Variants in PLPP6 observed in about 807,000 individuals in gnomAD.
PLPP6 encodes the protein polyisoprenoid diphosphate/phosphate phosphohydrolase PLPP6.
PLPP6 carries 16 observed loss-of-function variants against 16.5 expected under a neutral mutation model. That is an observed-to-expected ratio of 0.97 (90% CI 0.66 to 1.47). The LOEUF (loss-of-function observed/expected upper bound fraction) is 1.47. Ranked by LOEUF, PLPP6 falls within the 40% of genes most tolerant of loss-of-function variation. The pLI is 0.00. For missense variants in PLPP6, 512 were observed against 396.6 expected, an observed-to-expected ratio of 1.29 and a Z score of -2.47; for synonymous variants, 226 against 188.1, an observed-to-expected ratio of 1.20 and a Z score of -1.65.
In PLPP6 at chr9:4,663,456, G is replaced by A. The variant is rs1840348999; in HGVS notation, c.*193G>A. The A allele has an allele frequency of 1.6e-6, 1 of 612,514 alleles. No homozygotes were observed. Among genetic ancestry groups the A allele is most frequent in the Non-Finnish European group, 2.8e-6 (1 of 353,772 alleles). The allele number at this position is 612,514 out of a possible 1,614,324, so 37.9% of individuals were successfully genotyped here. On this transcript the variant is annotated 3_prime_UTR_variant, in exon 1 of 1. Transcript: ENST00000381883. ...GCCATTACTGAACACAGCCATATTA[G>A]GGAAAGCAAAAAAACCCAAAAAATC... is the stretch of plus-strand genomic sequence containing the variant.
At position 4,662,947 on chromosome 9, in the gene PLPP6, G is replaced by T; in HGVS notation, c.572G>T (p.Arg191Leu). 1 of 1,611,788 alleles carries T rather than the reference G, an allele frequency of 6.2e-7. No individual in the cohort carries two copies. The highest frequency in any genetic ancestry group is 8.5e-7 in the Non-Finnish European group (1 of 1,179,894). The change falls in exon 1 of 1, where the codon CGC becomes CTC. Residue 191 changes from arginine (R) to leucine (L), a missense_variant. Physicochemically the swap from Arg to Leu is moderately radical, Grantham distance 102. Coordinates refer to ENST00000381883, the MANE Select transcript of PLPP6 (RefSeq NM_203453.5). This position sits in a 1 kb window ranked among gnomAD's most constrained non-coding sequence, Gnocchi z 4.9. ...ATCAAAGGGCTGGTCCGCAGGCGCC[G>T]CCCGGCCCACAACCAGATGGACATG... ...ALIKGLVRRR[R>L]PAHNQMDMFV...
Position 4,663,190 on chromosome 9 carries a change from A to C in PLPP6, c.815A>C (p.Tyr272Ser), listed in dbSNP as rs1840280941. Residue 272 changes from tyrosine to serine, a missense_variant, in exon 1 of 1, where the codon TAC (tyrosine) becomes TCC (serine). Coordinates refer to ENST00000381883, the MANE Select transcript of PLPP6 (RefSeq NM_203453.5). ...GGCTTTTTTCTGGGCTACATGCAGTACAGCATCGTGGACTATTGCTGGCTC... is the reference window on the plus strand; with the variant it reads ...GGCTTTTTTCTGGGCTACATGCAGTCCAGCATCGTGGACTATTGCTGGCTC... The part of the protein sequence containing the change: ...AFGFFLGYMQ[Y>S]SIVDYCWLSP... 1 of 1,613,978 alleles carries C rather than the reference A, an allele frequency of 6.2e-7. No individual in the cohort carries two copies. The highest frequency in any genetic ancestry group is 1.7e-5 in the Admixed American group (1 of 60,000).
At position 4,662,689 on chromosome 9, in the gene PLPP6, C is replaced by G. The variant is rs764688492; in HGVS notation, c.314C>G (p.Ser105Cys). ...TCCTTCCTGGGCATCGCCCTGCGCT[C>G]CCTGCTGGCCATCGACCTGTGGCTG... ...NPSFLGIALRSLLAIDLWLSK... is the reference protein window; with the variant it reads ...NPSFLGIALRCLLAIDLWLSK... The change falls in exon 1 of 1, where the codon TCC becomes TGC. Residue 105 changes from serine (S) to cysteine (C), a missense_variant. Transcript: ENST00000381883. The surrounding 1 kb of genome is among the most constrained non-coding windows in gnomAD (Gnocchi z 4.9). The G allele has an allele frequency of 1.9e-6, 3 of 1,600,958 alleles. No individual in the cohort carries two copies. Among genetic ancestry groups the G allele is most frequent in the Admixed American group, 1.7e-5 (1 of 60,028 alleles).
rs1446604649 is a variant in PLPP6 at position 4,664,397 on chromosome 9, CAG to C, written c.*1135_*1136del. The C allele has an allele frequency of 2.4e-5, 4 of 167,022 alleles. No individual in the cohort carries two copies. The highest frequency in any genetic ancestry group is 9.7e-5 in the African/African-American group (4 of 41,434). 10.3% of individuals were successfully genotyped at this position (167,022 alleles called of 1,614,324 possible). A position where few individuals can be genotyped will look rare whatever the true frequency, so the allele number is the denominator to read the frequency against. ...CTGAGGTACAGCACATTTTAGGTAA[CAG>C]TATTTAACTTGAAATTCATCATGGG... On this transcript the variant is annotated 3_prime_UTR_variant, in exon 1 of 1. Coordinates refer to ENST00000381883, the MANE Select transcript of PLPP6 (RefSeq NM_203453.5).
Position 4,662,465 on chromosome 9 carries a change from C to A in PLPP6, c.90C>A (p.Gly30=). The change falls in exon 1 of 1, where the codon GGC becomes GGA. Residue 30 remains glycine, a synonymous_variant. Coordinates refer to ENST00000381883, the MANE Select transcript of PLPP6 (RefSeq NM_203453.5). This position sits in a 1 kb window ranked among gnomAD's most constrained non-coding sequence, Gnocchi z 4.9. ...SSSSPGSPAH[G]GGGGGSRFEF... ...GCAGCCCCGGCAGCCCAGCCCATGG[C>A]GGCGGTGGCGGCGGCAGCAGGTTTG... 1 of 1,546,362 alleles carries A rather than the reference C, an allele frequency of 6.5e-7. No individual in the cohort carries two copies. The highest frequency in any genetic ancestry group is 8.7e-7 in the Non-Finnish European group (1 of 1,155,458).
In PLPP6 at chr9:4,662,688, TC is replaced by T. The variant is rs1277280049; in HGVS notation, c.316del (p.Leu106CysfsTer29). On this transcript the variant is annotated frameshift_variant, in exon 1 of 1. Transcript: ENST00000381883. LOFTEE classifies it high-confidence loss of function. The surrounding 1 kb of genome is among the most constrained non-coding windows in gnomAD (Gnocchi z 4.9). ...NPSFLGIALR[S>X]LLAIDLWLSK... ...GTCCTTCCTGGGCATCGCCCTGCGCTCCCTGCTGGCCATCGACCTGTGGCTG... is the reference window on the plus strand; with the variant it reads ...GTCCTTCCTGGGCATCGCCCTGCGCTCCTGCTGGCCATCGACCTGTGGCTG... The T allele has an allele frequency of 5.0e-6, 8 of 1,600,782 alleles. No homozygotes were observed.
In PLPP6 at chr9:4,662,993, C is replaced by T; in HGVS notation, c.618C>T (p.Asp206=). 1 of 1,612,788 alleles carries T rather than the reference C, an allele frequency of 6.2e-7. No homozygotes were observed. The highest frequency in any genetic ancestry group is 8.5e-7 in the Non-Finnish European group (1 of 1,179,764). Residue 206 remains aspartate (D), a synonymous_variant, in exon 1 of 1, where the codon GAC becomes GAT. Coordinates refer to ENST00000381883, the MANE Select transcript of PLPP6 (RefSeq NM_203453.5). The surrounding 1 kb of genome is among the most constrained non-coding windows in gnomAD (Gnocchi z 4.9). ...QMDMFVTLSV[D]KYSFPSGHAT... ...ACATGTTTGTCACTCTCTCGGTGGA[C>T]AAGTACTCCTTCCCCTCGGGCCATG... is the stretch of plus-strand genomic sequence containing the variant.
rs1587580983 is a variant in PLPP6 at position 4,663,444 on chromosome 9, A to G, written c.*181A>G. The G allele has an allele frequency of 1.5e-6, 1 of 658,842 alleles. No homozygotes were observed. The allele number at this position is 658,842 out of a possible 1,614,324, so 40.8% of individuals were successfully genotyped here. A position where few individuals can be genotyped will look rare whatever the true frequency, so the allele number is the denominator to read the frequency against. On this transcript the variant is annotated 3_prime_UTR_variant, in exon 1 of 1. Transcript: ENST00000381883. The stretch of plus-strand genomic sequence containing the variant: ...GAGCACACACTGGCCATTACTGAAC[A>G]CAGCCATATTAGGGAAAGCAAAAAA...
Position 4,664,039 on chromosome 9 carries a change from A to C in PLPP6, c.*776A>C, listed in dbSNP as rs1298604310. Reference sequence around the variant, plus strand: ...AAGAGGAATCACTTAAAAGGTAGGCATATCTAAGATGCTCATAGAAGAGGA... The same window carrying C: ...AAGAGGAATCACTTAAAAGGTAGGCCTATCTAAGATGCTCATAGAAGAGGA... On this transcript the variant is annotated 3_prime_UTR_variant, in exon 1 of 1. Coordinates refer to ENST00000381883, the MANE Select transcript of PLPP6 (RefSeq NM_203453.5). 2 of 167,138 alleles carry C rather than the reference A, an allele frequency of 1.2e-5. No homozygotes were observed. Among genetic ancestry groups the C allele is most frequent in the Non-Finnish European group, 1.5e-5 (1 of 68,132 alleles). 10.4% of individuals were successfully genotyped at this position (167,138 alleles called of 1,614,324 possible).
Position 4,662,664 on chromosome 9 carries a change from T to G in PLPP6, c.289T>G (p.Ser97Ala). ...PEEDRMDLNP[S>A]FLGIALRSLL... ...GGAGGACCGCATGGACTTGAACCCG[T>G]CCTTCCTGGGCATCGCCCTGCGCTC... is the stretch of plus-strand genomic sequence containing the variant. The change falls in exon 1 of 1, where the codon TCC becomes GCC. Residue 97 changes from serine to alanine, a missense_variant. Coordinates refer to ENST00000381883, the MANE Select transcript of PLPP6 (RefSeq NM_203453.5). The surrounding 1 kb of genome is among the most constrained non-coding windows in gnomAD (Gnocchi z 4.9). 1.9e-6 allele frequency: 3 copies of G among 1,600,084 alleles called. No individual in the cohort carries two copies. The highest frequency in any genetic ancestry group is 2.5e-6 in the Non-Finnish European group (3 of 1,179,838).
In PLPP6 at chr9:4,662,398, T is replaced by C. The variant is rs35791393; in HGVS notation, c.23T>C (p.Met8Thr). Residue 8 changes from methionine to threonine, a missense_variant, in exon 1 of 1, where the codon ATG becomes ACG. Transcript: ENST00000381883. This position sits in a 1 kb window ranked among gnomAD's most constrained non-coding sequence, Gnocchi z 4.9. MPSPRRS[M>T]EGRPLGVSAS... ...GCGATGCCAAGTCCCCGGAGGAGCA[T>C]GGAGGGACGGCCGCTGGGCGTCTCC... is the stretch of plus-strand genomic sequence containing the variant. 1.7e-3 allele frequency: 2,675 copies of C among 1,534,768 alleles called. 29 individuals carry two copies. The African/African-American group carries it at 0.033, about 19-fold the overall frequency.
At position 4,663,721 on chromosome 9, in the gene PLPP6, A is replaced by C. The variant is rs939867674; in HGVS notation, c.*458A>C. On this transcript the variant is annotated 3_prime_UTR_variant, in exon 1 of 1. Coordinates refer to ENST00000381883, the MANE Select transcript of PLPP6 (RefSeq NM_203453.5). ...AATCCTAGTCCTTTTCCTGAGGTAGATTTTAAACAGTATTTTTAAAGTCCA... is the reference window on the plus strand; with the variant it reads ...AATCCTAGTCCTTTTCCTGAGGTAGCTTTTAAACAGTATTTTTAAAGTCCA... 6 of 168,704 alleles carry C rather than the reference A, an allele frequency of 3.6e-5. No individual in the cohort carries two copies. Among genetic ancestry groups the C allele is most frequent in the African/African-American group, 1.2e-4 (5 of 41,512 alleles). 10.5% of individuals were successfully genotyped at this position (168,704 alleles called of 1,614,324 possible).
chr9:4,662,858 C>G lies in PLPP6; in HGVS notation c.483C>G (p.Ala161=). The G allele has an allele frequency of 2.5e-6, 4 of 1,605,250 alleles. No homozygotes were observed. The highest frequency in any genetic ancestry group is 3.4e-6 in the Non-Finnish European group (4 of 1,179,950). ...LYCLCRSDSW[A]GREVLMNLLF... Reference sequence around the variant, plus strand: ...GCCTGTGCAGGAGCGACAGCTGGGCCGGGCGCGAGGTGCTGATGAACCTGC... The same window carrying G: ...GCCTGTGCAGGAGCGACAGCTGGGCGGGGCGCGAGGTGCTGATGAACCTGC... The change falls in exon 1 of 1, where the codon GCC becomes GCG. Residue 161 remains alanine, a synonymous_variant. Coordinates refer to ENST00000381883, the MANE Select transcript of PLPP6 (RefSeq NM_203453.5). The surrounding 1 kb of genome is among the most constrained non-coding windows in gnomAD (Gnocchi z 4.9).
Position 4,664,209 on chromosome 9 carries a change from G to A in PLPP6, c.*946G>A. 6.0e-6 allele frequency: 1 copy of A among 167,210 alleles called. No individual in the cohort carries two copies. The allele number at this position is 167,210 out of a possible 1,614,324, so 10.4% of individuals were successfully genotyped here. A position where few individuals can be genotyped will look rare whatever the true frequency, so the allele number is the denominator to read the frequency against. ...CACATATTATGCCAGTGACCAGTAT[G>A]ACAGGAGATGGGGCCCTGCTGCCAG... On this transcript the variant is annotated 3_prime_UTR_variant, in exon 1 of 1. Transcript: ENST00000381883.
Position 4,662,469 on chromosome 9 carries a change from GGTGGCGGCGGCAGCA to G in PLPP6, c.96_110del (p.Gly33_Arg37del). 1 of 1,548,864 alleles carries G rather than the reference GGTGGCGGCGGCAGCA, an allele frequency of 6.5e-7. No individual in the cohort carries two copies. The highest frequency in any genetic ancestry group is 8.6e-7 in the Non-Finnish European group (1 of 1,156,734). Reference sequence around the variant, plus strand: ...CCCCGGCAGCCCAGCCCATGGCGGCGGTGGCGGCGGCAGCAGGTTTGAGTTCCAGTCCCTGCTCAG... The same window carrying G: ...CCCCGGCAGCCCAGCCCATGGCGGCGGGTTTGAGTTCCAGTCCCTGCTCAG... On this transcript the variant is annotated inframe_deletion, in exon 1 of 1. Coordinates refer to ENST00000381883, the MANE Select transcript of PLPP6 (RefSeq NM_203453.5). The surrounding 1 kb of genome is among the most constrained non-coding windows in gnomAD (Gnocchi z 4.9).
rs575060963 is a variant in PLPP6 at position 4,662,526 on chromosome 9, G to A, written c.151G>A (p.Val51Met). The A allele has an allele frequency of 2.6e-5, 41 of 1,565,496 alleles. No homozygotes were observed. Among genetic ancestry groups the A allele is most frequent in the Non-Finnish European group, 3.1e-5 (36 of 1,165,114 alleles). The stretch of plus-strand genomic sequence containing the variant: ...CCTGCTCAGCAGCCGCGCCACGGCC[G>A]TGGACCCCACCTGCGCCCGGCTCCG... ...QSLLSSRATA[V>M]DPTCARLRAS... is the part of the protein sequence containing the mutation. Residue 51 changes from valine to methionine, a missense_variant, in exon 1 of 1, where the codon GTG becomes ATG. Val to Met is a conservative substitution (Grantham distance 21, BLOSUM62 1). Coordinates refer to ENST00000381883, the MANE Select transcript of PLPP6 (RefSeq NM_203453.5). The surrounding 1 kb of genome is among the most constrained non-coding windows in gnomAD (Gnocchi z 4.9).
At position 4,662,706 on chromosome 9, in the gene PLPP6, C is replaced by T; in HGVS notation, c.331C>T (p.Leu111=). ...IALRSLLAID[L]WLSKKLGVCA... is the part of the protein sequence containing the mutation. ...CCTGCGCTCCCTGCTGGCCATCGACCTGTGGCTGTCCAAGAAGCTGGGGGT... is the reference window on the plus strand; with the variant it reads ...CCTGCGCTCCCTGCTGGCCATCGACTTGTGGCTGTCCAAGAAGCTGGGGGT... The change falls in exon 1 of 1, where the codon CTG becomes TTG. Residue 111 remains leucine (L), a synonymous_variant. Coordinates refer to ENST00000381883, the MANE Select transcript of PLPP6 (RefSeq NM_203453.5). The surrounding 1 kb of genome is among the most constrained non-coding windows in gnomAD (Gnocchi z 4.9). 6.2e-7 allele frequency: 1 copy of T among 1,601,846 alleles called. No homozygotes were observed. The highest frequency in any genetic ancestry group is 8.5e-7 in the Non-Finnish European group (1 of 1,179,902).
Position 4,662,358 on chromosome 9 carries a change from T to G in PLPP6, c.-18T>G. ...TGTTTGGTCCGGCCAGGTCCCGGGA[T>G]CCGGGCCGCCAGCTGCGATGCCAAG... On this transcript the variant is annotated 5_prime_UTR_variant, in exon 1 of 1. Coordinates refer to ENST00000381883, the MANE Select transcript of PLPP6 (RefSeq NM_203453.5). This position sits in a 1 kb window ranked among gnomAD's most constrained non-coding sequence, Gnocchi z 4.9. 1.3e-6 allele frequency: 2 copies of G among 1,488,880 alleles called. No individual in the cohort carries two copies. Among genetic ancestry groups the G allele is most frequent in the Non-Finnish European group, 1.8e-6 (2 of 1,126,912 alleles). 92.2% of individuals were successfully genotyped at this position (1,488,880 alleles called of 1,614,324 possible).
Position 4,662,696 on chromosome 9 carries a change from G to A in PLPP6, c.321G>A (p.Leu107=), listed in dbSNP as rs1451302302. 2 of 1,601,364 alleles carry A rather than the reference G, an allele frequency of 1.2e-6. No homozygotes were observed. Among genetic ancestry groups the A allele is most frequent in the Non-Finnish European group, 1.7e-6 (2 of 1,179,888 alleles). Residue 107 remains leucine (L), a synonymous_variant, in exon 1 of 1, where the codon CTG becomes CTA. Coordinates refer to ENST00000381883, the MANE Select transcript of PLPP6 (RefSeq NM_203453.5). This position sits in a 1 kb window ranked among gnomAD's most constrained non-coding sequence, Gnocchi z 4.9. ...SFLGIALRSL[L]AIDLWLSKKL... is the part of the protein sequence containing the mutation. ...TGGGCATCGCCCTGCGCTCCCTGCT[G>A]GCCATCGACCTGTGGCTGTCCAAGA...
Sources: allele counts gnomAD v4.1 joint callset, GRCh38; gene constraint gnomAD v4.1.1; non-coding constraint Gnocchi (gnomAD v3.1); transcripts MANE v1.5; gene names NCBI Gene and HGNC (gene_info 2026-07-23, HGNC 2026-07-21).